The following MRTFB variants were observed in gnomAD, a reference collection of about 807,000 sequenced individuals.
MRTFB encodes myocardin related transcription factor B.
In MRTFB, 29 loss-of-function variants were observed where a neutral mutation model predicts 104.2. The ratio of observed to expected loss-of-function variants is 0.28; its 90% CI spans 0.21 to 0.38. The LOEUF is 0.38. MRTFB is among the 10% of genes least tolerant of loss of function. The pLI is 1.00. For missense variants in MRTFB, 1,270 were observed against 1,341.6 expected (o/e 0.95, Z 0.83); for synonymous variants, 535 against 519.5 (o/e 1.03, Z -0.41).
chr16:14,261,237 A>G lies in MRTFB; in HGVS notation c.3093A>G (p.Ser1031=). ...SHSGMLDHSH[S]PMETSETQFA... is the part of the protein sequence containing the mutation. Reference sequence around the variant, plus strand: ...CAGGTATGCTGGACCATTCACACTCACCCATGGAGACTTCCGAGACCCAGT... The same window carrying G: ...CAGGTATGCTGGACCATTCACACTCGCCCATGGAGACTTCCGAGACCCAGT... Residue 1031 remains serine (S), a synonymous_variant, in exon 17 of 17, where the codon TCA becomes TCG. Transcript: ENST00000571589. The G allele has an allele frequency of 2.5e-6, 4 of 1,613,968 alleles. No homozygotes were observed. The highest frequency in any genetic ancestry group is 3.4e-6 in the Non-Finnish European group (4 of 1,179,998).
At chr16:14,049,908 T>C in the MRTFB span, among the ~76,000 whole-genome samples, 1 of 152,286 alleles carries the variant, frequency 6.6e-6, no homozygotes, top group African/African-American at 2.4e-5. Flanking sequence ...AATTTTTGTG[T>C]TTTTAGTAGA....
chr16:14,149,936 T>C (rs907033103), intron 3 of MRTFB, among the ~76,000 whole-genome samples: 7 of 152,216 alleles, frequency 4.6e-5, no homozygotes, highest in Non-Finnish European at 1.0e-4. Context: ...AAAGCCGTGG[T>C]TGGAATAATC....
At position 14,261,175 on chromosome 16, in the gene MRTFB, C is replaced by A; in HGVS notation, c.3031C>A (p.Leu1011Met). The A allele has an allele frequency of 6.2e-7, 1 of 1,614,248 alleles. No homozygotes were observed. The highest frequency in any genetic ancestry group is 8.5e-7 in the Non-Finnish European group (1 of 1,180,048). The change falls in exon 17 of 17, where the codon CTG becomes ATG. Residue 1011 changes from leucine (L) to methionine (M), a missense_variant. By Grantham distance (15) the Leu-to-Met change is conservative. This residue lies in a region of MRTFB where 1,144 missense variants were observed against 1,131.5 expected (regional missense o/e 1.01). Coordinates refer to ENST00000571589, the MANE Select transcript of MRTFB (RefSeq NM_001308142.2). ...CAGTGAAGACAGAGAGCCCTTCTCT[C>A]TGATCGAGGACCTCCAGAATGATCT... ...SSSEDREPFS[L>M]IEDLQNDLLS...
chr16:14,146,459 A>C (rs2038321677), intron 3 of MRTFB, among the ~76,000 whole-genome samples: 2 of 152,246 alleles, frequency 1.3e-5, no homozygotes, highest in African/African-American at 4.8e-5. Flanking sequence ...CATACAGAAT[A>C]ACTTTAGATA....
At chr16:14,166,189 T>A (rs2039230629) in intron 3 of MRTFB, among the ~76,000 whole-genome samples, 2 of 151,618 alleles carry the variant, frequency 1.3e-5, no homozygotes, top group Non-Finnish European at 1.5e-5. Flanking sequence ...AGGAGGAAAC[T>A]TTTTTGGTTT....
chr16:14,132,191 T>C (rs2037474327), intron 2 of MRTFB, among the ~76,000 whole-genome samples: 1 of 152,230 alleles, frequency 6.6e-6, no homozygotes, highest in African/African-American at 2.4e-5. Context: ...CCACATATTC[T>C]ATGATTCTAT....
intron 9 of MRTFB, among the ~76,000 whole-genome samples, chr16:14,237,395 T>C (rs926988210): frequency 6.6e-6 from 1 of 151,418 alleles, no homozygotes; most frequent in Non-Finnish European, 1.5e-5. Context: ...TATCAAAGGC[T>C]GCTGTGCCTC....
intron 2 of MRTFB, among the ~76,000 whole-genome samples, chr16:14,135,288 G>A (rs1434014368): frequency 6.6e-6 from 1 of 152,140 alleles, no homozygotes; most frequent in Admixed American, 6.5e-5. Context: ...AAGCCTTGAC[G>A]TTTTGTCTCT....
chr16:14,226,688 GT>G (rs2042017030), intron 8 of MRTFB, among the ~76,000 whole-genome samples: 1 of 152,042 alleles, frequency 6.6e-6, no homozygotes, highest in Non-Finnish European at 1.5e-5. Flanking sequence ...TCCTCAAAAC[GT>G]TTTGGCCAGA....
At chr16:14,136,233 CA>C (rs2037712278) in intron 2 of MRTFB, among the ~76,000 whole-genome samples, 1 of 151,654 alleles carries the variant, frequency 6.6e-6, no homozygotes, top group South Asian at 2.1e-4. Context: ...AAGATTGTGC[CA>C]CTGCACTCCA....
chr16:14,055,966 A>G, the MRTFB span, among the ~76,000 whole-genome samples: 2 of 151,566 alleles, frequency 1.3e-5, no homozygotes, highest in Non-Finnish European at 2.9e-5. Flanking sequence ...TTGCTTCTAC[A>G]TTTATTAATT....
chr16:14,202,364 C>T (rs147753068), intron 3 of MRTFB, among the ~76,000 whole-genome samples: 1 of 152,206 alleles, frequency 6.6e-6, no homozygotes, highest in Non-Finnish European at 1.5e-5. Context: ...TTTTTATGTG[C>T]ATGTATACTT....
At chr16:14,215,189 C>G (rs1235983941) in intron 6 of MRTFB, among the ~76,000 whole-genome samples, 1 of 152,110 alleles carries the variant, frequency 6.6e-6, no homozygotes, top group African/African-American at 2.4e-5. Flanking sequence ...CAAAATAAAT[C>G]TTTTTTTAAG....
At chr16:14,233,272 A>C (rs776977206) in intron 8 of MRTFB, among the ~76,000 whole-genome samples, 6 of 152,204 alleles carry the variant, frequency 3.9e-5, no homozygotes, top group Non-Finnish European at 7.3e-5. Context: ...TATTCTTCAA[A>C]TCTTCTGTTG....
chr16:14,233,402 G>C, intron 8 of MRTFB, among the ~76,000 whole-genome samples: 1 of 152,190 alleles, frequency 6.6e-6, no homozygotes, highest in East Asian at 1.9e-4. Context: ...GATGCTGCCG[G>C]AGGGTAGGTC....
chr16:14,202,259 C>T (rs1002406087), intron 3 of MRTFB, among the ~76,000 whole-genome samples: 10 of 152,038 alleles, frequency 6.6e-5, no homozygotes, highest in Non-Finnish European at 1.2e-4. Flanking sequence ...ACATCTTCTC[C>T]GAGCCATAGA....
chr16:14,136,747 C>T (rs1240942808), intron 2 of MRTFB, among the ~76,000 whole-genome samples: 3 of 150,698 alleles, frequency 2.0e-5, no homozygotes, highest in East Asian at 2.1e-4. Flanking sequence ...TGTAATGCCT[C>T]TTGGGTTTTT....
intron 2 of MRTFB, among the ~76,000 whole-genome samples, chr16:14,135,256 A>G (rs137868479): frequency 6.6e-6 from 1 of 152,180 alleles, no homozygotes; most frequent in Non-Finnish European, 1.5e-5. Flanking sequence ...TTTAATCTTT[A>G]CCTTGCAAAT....
chr16:14,200,745 T>G (rs1354176405), intron 3 of MRTFB: 18 of 1,492,208 alleles, frequency 1.2e-5, no homozygotes, highest in Non-Finnish European at 1.6e-5. Context: ...TGGTTGGGAC[T>G]TGTTGCCTGT....
Sources: allele counts gnomAD v4.1 joint callset (sites outside exome capture counted in the v4.1 genomes callset), GRCh38; gene constraint gnomAD v4.1.1; regional missense constraint gnomAD v4.1.1; transcripts MANE v1.5; gene names NCBI Gene and HGNC (gene_info 2026-07-23, HGNC 2026-07-21).